FOXP1: variants seen among roughly 807,000 people sequenced by gnomAD.
The protein encoded by FOXP1 is forkhead box P1.
Under a neutral mutation model 98.2 loss-of-function variants are expected in FOXP1, and 15 were observed. The ratio of observed to expected loss-of-function variants is 0.15; its 90% CI spans 0.10 to 0.24. The LOEUF (loss-of-function observed/expected upper bound fraction) is 0.24, where lower values mean the gene tolerates loss of function less well. Among genes scored for constraint, FOXP1 ranks in the 10% least tolerant of loss-of-function variants. The pLI is 1.00. For synonymous variants in FOXP1, 371 were observed against 314.5 expected (o/e 1.18, Z -1.90); for missense variants, 633 against 848.5 (o/e 0.75, Z 3.15).
rs563726607 is a variant in FOXP1 at position 71,538,779 on chromosome 3, A to T, written c.-298+42770T>A. Reference sequence around the variant, plus strand: ...TGCCTTATCCATGGTCATGAAGAAGATTTATTCCTATAATTTCTTCTAAGA... The same window carrying T: ...TGCCTTATCCATGGTCATGAAGAAGTTTTATTCCTATAATTTCTTCTAAGA... On this transcript the variant is annotated intron_variant, in intron 2 of 20. Transcript: ENST00000649528. Among the ~76,000 whole-genome samples the T allele has an allele frequency of 2.6e-5, 4 of 152,328 alleles. No individual in the cohort carries two copies. The South Asian group carries it at 8.3e-4, about 32-fold the overall frequency.
At chr3:71,037,605 C>G (rs796682694) in intron 11 of FOXP1, among the ~76,000 whole-genome samples, 1 of 152,198 alleles carries the variant, frequency 6.6e-6, no homozygotes, top group African/African-American at 2.4e-5. Flanking sequence ...ACTTGATCCC[C>G]ACCACACTTT....
chr3:71,562,766 T>C (rs970530277), intron 2 of FOXP1, among the ~76,000 whole-genome samples: 21 of 152,208 alleles, frequency 1.4e-4, no homozygotes, highest in African/African-American at 5.1e-4. Flanking sequence ...ATGTCAGGAA[T>C]AGAATAATTT....
intron 14 of FOXP1, among the ~76,000 whole-genome samples, chr3:70,981,112 A>G (rs1436672493): frequency 1.3e-5 from 2 of 149,574 alleles, no homozygotes; most frequent in South Asian, 4.4e-4. Context: ...CAAATCCCAC[A>G]GTAAAATGTC....
intron 2 of FOXP1, among the ~76,000 whole-genome samples, chr3:71,569,785 CTTT>C (rs796572529): frequency 4.9e-5 from 7 of 142,202 alleles, no homozygotes; most frequent in Non-Finnish European, 7.8e-5. Context: ...TCTCCACTTT[CTTT>C]TTTTTTTTTT....
intron 5 of FOXP1, among the ~76,000 whole-genome samples, chr3:71,233,748 G>A (rs1046689094): frequency 6.6e-6 from 1 of 152,046 alleles, no homozygotes; most frequent in Non-Finnish European, 1.5e-5. Flanking sequence ...GGGACCCCAA[G>A]AAGGACAAAA....
intron 3 of FOXP1, among the ~76,000 whole-genome samples, chr3:71,376,697 CTT>C (rs942420959): frequency 6.6e-6 from 1 of 152,184 alleles, no homozygotes; most frequent in African/African-American, 2.4e-5. Context: ...TAAATCAGTT[CTT>C]TGTTTAACTT....
rs142143731 is a variant in FOXP1, at chr3:71,318,070, C to T, written c.-72-18190G>A. Among the ~76,000 whole-genome samples, 1,415 of 151,738 alleles carry T rather than the reference C, an allele frequency of 9.3e-3. 62 individuals carry two copies. Among genetic ancestry groups the T allele is most frequent in the Admixed American group, 0.072 (1,097 of 15,248 alleles). On this transcript the variant is annotated intron_variant, in intron 4 of 20. Coordinates refer to ENST00000649528, the MANE Select transcript of FOXP1 (RefSeq NM_001349338.3). ...TACACACACTTTATATAACCCTGTA[C>T]ACTGGTACAATTAAGAAGAGTAAGT...
chr3:70,969,580 G>A (rs904144184), intron 19 of FOXP1: 7 of 152,242 alleles, frequency 4.6e-5, no homozygotes, highest in African/African-American at 1.7e-4. Flanking sequence ...GCTCCTGTCA[G>A]TATCTCCTCC....
intron 12 of FOXP1, 141 bp downstream of exon 12, chr3:71,015,408 G>A (rs2044313031): frequency 1.6e-6 from 1 of 638,232 alleles, no homozygotes; most frequent in Non-Finnish European, 2.9e-6. Flanking sequence ...CTATGACAGT[G>A]CACTAGACCT....
At chr3:71,166,927 C>G (rs887779356) in intron 6 of FOXP1, among the ~76,000 whole-genome samples, 1 of 152,034 alleles carries the variant, frequency 6.6e-6, no homozygotes, top group Non-Finnish European at 1.5e-5. Context: ...CCGTAATGCC[C>G]TCACTTTTGA....
At chr3:71,087,113 A>G (rs1345045136) in intron 7 of FOXP1, among the ~76,000 whole-genome samples, 1 of 152,220 alleles carries the variant, frequency 6.6e-6, no homozygotes, top group African/African-American at 2.4e-5. Context: ...CTGAATTCCA[A>G]CAAAGAGCTC....
At chr3:71,542,836 A>T (rs2044981051) in intron 2 of FOXP1, among the ~76,000 whole-genome samples, 3 of 152,194 alleles carry the variant, frequency 2.0e-5, no homozygotes. Context: ...CCTATGGCAG[A>T]CACTTCCTGC....
intron 5 of FOXP1, among the ~76,000 whole-genome samples, chr3:71,287,562 T>C (rs868029084): frequency 6.6e-6 from 1 of 151,468 alleles, no homozygotes; most frequent in South Asian, 2.1e-4. Context: ...GGCAGATCAC[T>C]TGAGATCAGC....
At chr3:71,550,855 G>A (rs1320760954) in intron 2 of FOXP1, among the ~76,000 whole-genome samples, 1 of 152,158 alleles carries the variant, frequency 6.6e-6, no homozygotes, top group African/African-American at 2.4e-5. Context: ...GGCTTGCCAT[G>A]CCATTGCCGC....
At chr3:71,244,042 GA>G in intron 5 of FOXP1, among the ~76,000 whole-genome samples, 1 of 152,132 alleles carries the variant, frequency 6.6e-6, no homozygotes, top group Admixed American at 6.5e-5. Flanking sequence ...TAAAAGAAAA[GA>G]AAAAAGTCCT....
In FOXP1 at chr3:70,984,741, G is replaced by A. The variant is rs902385844; in HGVS notation, c.1146+3253C>T. Among the ~76,000 whole-genome samples, 6 of 152,210 alleles carry A rather than the reference G, an allele frequency of 3.9e-5. 1 individual carries two copies. The South Asian group carries it at 8.3e-4, about 21-fold the overall frequency. On this transcript the variant is annotated intron_variant, in intron 14 of 20. Coordinates refer to ENST00000649528, the MANE Select transcript of FOXP1 (RefSeq NM_001349338.3). ...GTGATAGCAAGCAGGAAGAAAGGCCGTCGAAGGAGTCTGAGGGATGGGAAG... is the reference window on the plus strand; with the variant it reads ...GTGATAGCAAGCAGGAAGAAAGGCCATCGAAGGAGTCTGAGGGATGGGAAG...
chr3:70,963,832 C>G (rs572718567), intron 20 of FOXP1, among the ~76,000 whole-genome samples: 1 of 152,086 alleles, frequency 6.6e-6, no homozygotes, highest in Non-Finnish European at 1.5e-5. Context: ...AAAGGACGAA[C>G]GAAACGTAGT....
intron 12 of FOXP1, among the ~76,000 whole-genome samples, chr3:71,003,171 C>T (rs917591039): frequency 6.6e-6 from 1 of 152,214 alleles, no homozygotes; most frequent in Non-Finnish European, 1.5e-5. Context: ...CCTCGCCAAA[C>T]TGATAAAAGA....
chr3:71,473,926 T>C (rs2089586910), intron 3 of FOXP1, among the ~76,000 whole-genome samples: 1 of 152,176 alleles, frequency 6.6e-6, no homozygotes, highest in Non-Finnish European at 1.5e-5. Flanking sequence ...GGGTGGGACA[T>C]GTCACCTGAA....
Sources: gnomAD v4.1 joint callset for allele counts (sites outside exome capture counted in the v4.1 genomes callset) on GRCh38, gnomAD v4.1.1 for gene constraint, MANE v1.5 for transcripts, NCBI Gene and HGNC (gene_info 2026-07-23, HGNC 2026-07-21) for gene names.